The following PARP8 variants were observed in gnomAD, a reference collection of about 807,000 sequenced individuals.
PARP8 encodes the protein poly(ADP-ribose) polymerase family member 8.
A neutral mutation model predicts 124.1 loss-of-function variants in PARP8; 51 were observed. That is an observed-to-expected ratio of 0.41 (90% CI 0.33 to 0.52). The LOEUF (loss-of-function observed/expected upper bound fraction) is 0.52. PARP8 is among the 20% of genes least tolerant of loss of function. PARP8 has a pLI of 0.21. For missense variants in PARP8, 860 were observed against 1,018.9 expected (o/e 0.84, Z 2.12); for synonymous variants, 391 against 361.5 (o/e 1.08, Z -0.93).
At chr5:50,731,998 AG>A (rs1757019540) in intron 2 of PARP8, among the ~76,000 whole-genome samples, 1 of 152,164 alleles carries the variant, frequency 6.6e-6, no homozygotes, top group Admixed American at 6.5e-5. Flanking sequence ...TTTCTTACTG[AG>A]GGTTTTGTGT....
intron 7 of PARP8, among the ~76,000 whole-genome samples, chr5:50,770,868 T>C (rs1761552809): frequency 6.6e-6 from 1 of 152,098 alleles, no homozygotes; most frequent in Non-Finnish European, 1.5e-5. Context: ...AAGTGTTCAT[T>C]TGCTTGGCCC....
At chr5:50,686,511 G>A (rs1178559795) in intron 2 of PARP8, among the ~76,000 whole-genome samples, 1 of 152,192 alleles carries the variant, frequency 6.6e-6, no homozygotes, top group Non-Finnish European at 1.5e-5. Flanking sequence ...GAGGACAGTG[G>A]CCCACTTCTC....
At chr5:50,782,839 G>T (rs139559656) in intron 9 of PARP8, among the ~76,000 whole-genome samples, 310 of 152,302 alleles carry the variant, frequency 2.0e-3, no homozygotes, top group Non-Finnish European at 3.4e-3. Context: ...AGTTAATCCA[G>T]TGGCTAAAAA....
intron 2 of PARP8, among the ~76,000 whole-genome samples, chr5:50,697,133 A>ATAATT (rs1753121161): frequency 1.3e-5 from 2 of 152,074 alleles, no homozygotes. Context: ...AGGCATGCCT[A>ATAATT]TAATCCCAGC....
chr5:50,683,818 A>G lies in PARP8; in HGVS notation c.146+15693A>G, dbSNP rs935696646. On this transcript the variant is annotated intron_variant, in intron 2 of 25. Coordinates refer to ENST00000281631, the MANE Select transcript of PARP8 (RefSeq NM_024615.4). ...TCCGTTAAAATATGTTTTATGCCAC[A>G]TGCAGAATTTTAACATTATATAGTT... Among the ~76,000 whole-genome samples, 14 of 152,214 alleles carry G rather than the reference A, an allele frequency of 9.2e-5. 1 individual carries two copies. Among genetic ancestry groups the G allele is most frequent in the African/African-American group, 3.4e-4 (14 of 41,464 alleles).
intron 18 of PARP8, 149 bp downstream of exon 18, chr5:50,825,124 C>T (rs1746201967): frequency 1.5e-6 from 1 of 669,246 alleles, no homozygotes; most frequent in Non-Finnish European, 2.6e-6. Flanking sequence ...GGTGATTTTA[C>T]AACCTTAGAG....
chr5:50,740,362 G>T (rs539676930), intron 2 of PARP8, among the ~76,000 whole-genome samples: 1 of 152,252 alleles, frequency 6.6e-6, no homozygotes, highest in South Asian at 2.1e-4. Context: ...AGGGGAGAGA[G>T]AATTCCAGGC....
At chr5:50,704,461 C>T (rs1753924995) in intron 2 of PARP8, among the ~76,000 whole-genome samples, 2 of 152,148 alleles carry the variant, frequency 1.3e-5, no homozygotes, top group Non-Finnish European at 2.9e-5. Flanking sequence ...CTTATATGCT[C>T]ACCTCTAAAC....
At chr5:50,805,707 A>C (rs1457796246) in intron 14 of PARP8, among the ~76,000 whole-genome samples, 1 of 152,130 alleles carries the variant, frequency 6.6e-6, no homozygotes, top group Non-Finnish European at 1.5e-5. Context: ...ACTTTTAAAA[A>C]ACATGTCTTG....
At position 50,746,988 on chromosome 5, in the gene PARP8, A is replaced by G. The variant is rs1283160173; in HGVS notation, c.147-3163A>G. ...GGTTACAGTGAGCTATGATTATGCC[A>G]TTGTACTCCAGCCTGGGCAACAGAG... On this transcript the variant is annotated intron_variant, in intron 2 of 25. Transcript: ENST00000281631. Among the ~76,000 whole-genome samples, 10 of 152,210 alleles carry G rather than the reference A, an allele frequency of 6.6e-5. 1 individual carries two copies. Among genetic ancestry groups the G allele is most frequent in the African/African-American group, 1.4e-4 (6 of 41,550 alleles).
chr5:50,711,925 T>C (rs1410148412), intron 2 of PARP8, among the ~76,000 whole-genome samples: 1 of 152,136 alleles, frequency 6.6e-6, no homozygotes. Context: ...AGGCTATTTA[T>C]CTAGCATTAC....
At chr5:50,763,732 A>G (rs1335854550) in intron 7 of PARP8, among the ~76,000 whole-genome samples, 1 of 152,084 alleles carries the variant, frequency 6.6e-6, no homozygotes, top group Non-Finnish European at 1.5e-5. Flanking sequence ...AAATTTACAC[A>G]TCATTTTTAT....
At chr5:50,669,038 A>G (rs577880406) in intron 2 of PARP8, 1 of 152,374 alleles carries the variant, frequency 6.6e-6, no homozygotes, top group East Asian at 1.9e-4. Flanking sequence ...TCTTGTGTAC[A>G]TACATTTTTA....
At chr5:50,806,484 T>A (rs1743856062) in intron 14 of PARP8, among the ~76,000 whole-genome samples, 1 of 152,064 alleles carries the variant, frequency 6.6e-6, no homozygotes, top group African/African-American at 2.4e-5. Context: ...CAACAATAAA[T>A]ATTGCTATAT....
intron 9 of PARP8, among the ~76,000 whole-genome samples, chr5:50,786,659 T>A (rs1741289368): frequency 6.6e-6 from 1 of 152,032 alleles, no homozygotes; most frequent in Admixed American, 6.6e-5. Context: ...TGAGCCACTG[T>A]GCCTGGCCTG....
chr5:50,787,191 C>A (rs1398483946), intron 9 of PARP8, among the ~76,000 whole-genome samples: 1 of 152,128 alleles, frequency 6.6e-6, no homozygotes, highest in African/African-American at 2.4e-5. Flanking sequence ...TGTTCATCAC[C>A]TCCACGGACG....
At position 50,709,934 on chromosome 5, in the gene PARP8, A is replaced by G. The variant is rs1239716094; in HGVS notation, c.147-40217A>G. 9.2e-4 allele frequency among the ~76,000 whole-genome samples: 79 copies of G among 86,212 alleles called. 1 individual carries two copies. The highest frequency in any genetic ancestry group is 2.3e-3 in the African/African-American group (72 of 30,858). 56.6% of individuals were successfully genotyped at this position (86,212 alleles called of 152,430 possible). A position where few individuals can be genotyped will look rare whatever the true frequency, so the allele number is the denominator to read the frequency against. ...AGGTAGAAAGAGTGTATATATATAT[A>G]TATATATATATATATATATATACAC... On this transcript the variant is annotated intron_variant, in intron 2 of 25. Transcript: ENST00000281631.
chr5:50,667,146 G>A lies in PARP8; in HGVS notation c.51G>A (p.Val17=). ...GAATTCAGAAGGATATCGACGTCGT[G>A]ATCCAGAAGTCCAGAGCTGAGAAGG... ...QERIQKDIDV[V]IQKSRAEKDC... Residue 17 remains valine, a synonymous_variant, in exon 1 of 26, where the codon GTG becomes GTA. Coordinates refer to ENST00000281631, the MANE Select transcript of PARP8 (RefSeq NM_024615.4). The A allele has an allele frequency of 6.3e-7, 1 of 1,596,394 alleles. No individual in the cohort carries two copies. Among genetic ancestry groups the A allele is most frequent in the South Asian group, 1.1e-5 (1 of 90,986 alleles).
At position 50,667,411 on chromosome 5, in the gene PARP8, G is replaced by A. The variant is rs927655068; in HGVS notation, c.91+225G>A. The A allele has an allele frequency of 6.2e-4, 436 of 703,102 alleles. 1 individual carries two copies. Among genetic ancestry groups the A allele is most frequent in the Non-Finnish European group, 8.2e-4 (316 of 387,640 alleles). 43.6% of individuals were successfully genotyped at this position (703,102 alleles called of 1,614,324 possible). On this transcript the variant is annotated intron_variant, in intron 1 of 25. Coordinates refer to ENST00000281631, the MANE Select transcript of PARP8 (RefSeq NM_024615.4). Reference sequence around the variant, plus strand: ...GTCTGAGGCAGCCACCAGCTTTGAGGGCAGAGCCCGCGTGGCCGGAGCGGG... The same window carrying A: ...GTCTGAGGCAGCCACCAGCTTTGAGAGCAGAGCCCGCGTGGCCGGAGCGGG...
Sources: allele counts gnomAD v4.1 joint callset (sites outside exome capture counted in the v4.1 genomes callset), GRCh38; gene constraint gnomAD v4.1.1; transcripts MANE v1.5; gene names NCBI Gene and HGNC (gene_info 2026-07-23, HGNC 2026-07-21).